Variants in NRXN3 observed in about 807,000 individuals in gnomAD.
NRXN3 encodes the protein neurexin III.
Under a neutral mutation model 137.6 loss-of-function variants are expected in NRXN3, and 32 were observed. The ratio of observed to expected loss-of-function variants is 0.23; its 90% CI spans 0.18 to 0.31. The LOEUF (loss-of-function observed/expected upper bound fraction) is 0.31, where lower values mean the gene tolerates loss of function less well. Among genes scored for constraint, NRXN3 ranks in the 10% least tolerant of loss-of-function variants. The pLI, the probability that NRXN3 is intolerant of heterozygous loss-of-function variation, is 1.00. For missense variants in NRXN3, 1,574 were observed against 2,062.5 expected (o/e 0.76, Z 4.59); for synonymous variants, 798 against 784.5 (o/e 1.02, Z -0.29).
intron 19 of NRXN3, among the ~76,000 whole-genome samples, chr14:79,726,216 G>A (rs1396175884): frequency 6.6e-6 from 1 of 152,140 alleles, no homozygotes; most frequent in Non-Finnish European, 1.5e-5. Flanking sequence ...GTGACTTAGA[G>A]AATTAAATGT....
chr14:78,761,848 G>GTA (rs903670171), intron 8 of NRXN3, among the ~76,000 whole-genome samples: 4 of 152,134 alleles, frequency 2.6e-5, no homozygotes, highest in Non-Finnish European at 5.9e-5. Flanking sequence ...AGCATTTGAT[G>GTA]TAAGCCCTGG....
intron 15 of NRXN3, among the ~76,000 whole-genome samples, chr14:79,165,447 A>AT (rs1453822484): frequency 2.0e-5 from 3 of 151,958 alleles, no homozygotes; most frequent in African/African-American, 4.8e-5. Context: ...TTAAAGTTTC[A>AT]TTTTGTCTTA....
chr14:79,490,038 C>CA (rs370581169), intron 16 of NRXN3, among the ~76,000 whole-genome samples: 9,866 of 72,560 alleles, frequency 0.14, 1,604 homozygotes, highest in African/African-American at 0.37. Flanking sequence ...TACTCCATCT[C>CA]AAAAAAAAAA....
In NRXN3 at chr14:78,803,799, C is replaced by T. The variant is rs775625031; in HGVS notation, c.2224C>T (p.Arg742Cys). 9.3e-6 allele frequency: 15 copies of T among 1,613,644 alleles called. No homozygotes were observed. The highest frequency in any genetic ancestry group is 1.1e-5 in the Non-Finnish European group (13 of 1,179,988). ...CCTGCGTCTGGAGCTGGATGGGGGG[C>T]GTGTCAAGCTCATGGTTAACTTAGG... ...DTLRLELDGG[R>C]VKLMVNLDCI... The change falls in exon 9 of 21, where the codon CGT becomes TGT. Residue 742 changes from arginine (R) to cysteine (C), a missense_variant. Around this residue, in one of 5 missense-constraint regions of NRXN3, gnomAD observed 718 missense variants for 887.6 expected, o/e 0.81. Transcript: ENST00000335750.
At position 78,289,884 on chromosome 14, in the gene NRXN3, A is replaced by T. The variant is rs530147889; in HGVS notation, c.728-7947A>T. The stretch of plus-strand genomic sequence containing the variant: ...AGCTGAGATTGTGCCACTGCACTCC[A>T]GCCTGGCAACAGAGTGAGACTCCAT... On this transcript the variant is annotated intron_variant, in intron 3 of 20. Transcript: ENST00000335750. Among the ~76,000 whole-genome samples the T allele has an allele frequency of 2.0e-5, 3 of 152,358 alleles. No individual in the cohort carries two copies. The East Asian group carries it at 5.8e-4, about 29-fold the overall frequency.
intron 4 of NRXN3, among the ~76,000 whole-genome samples, chr14:78,486,746 C>G (rs1030726304): frequency 6.6e-6 from 1 of 152,068 alleles, no homozygotes. Flanking sequence ...TGACTGTGAA[C>G]TTTTATGGTT....
chr14:79,685,777 A>G (rs867677917), intron 17 of NRXN3, among the ~76,000 whole-genome samples: 4 of 152,232 alleles, frequency 2.6e-5, no homozygotes, highest in Admixed American at 6.5e-5. Context: ...TATTGCATCA[A>G]AGTAAATCAT....
At chr14:78,408,069 G>T (rs1373191526) in intron 4 of NRXN3, among the ~76,000 whole-genome samples, 1 of 152,174 alleles carries the variant, frequency 6.6e-6, no homozygotes, top group East Asian at 1.9e-4. Context: ...TTCTTTTGTA[G>T]TCAACTCACC....
At chr14:79,845,512 G>T (rs2099365236) in intron 20 of NRXN3, among the ~76,000 whole-genome samples, 1 of 151,908 alleles carries the variant, frequency 6.6e-6, no homozygotes, top group South Asian at 2.1e-4. Flanking sequence ...TGTGTCTCAG[G>T]AAATAGGGAG....
chr14:79,838,607 T>A (rs1204873030), intron 20 of NRXN3, among the ~76,000 whole-genome samples: 2 of 152,168 alleles, frequency 1.3e-5, no homozygotes, highest in Non-Finnish European at 2.9e-5. Flanking sequence ...TGAAAATGAC[T>A]GTAGTCTGGC....
intron 3 of NRXN3, among the ~76,000 whole-genome samples, chr14:78,285,151 T>C (rs1181286156): frequency 6.6e-6 from 1 of 152,174 alleles, no homozygotes; most frequent in Non-Finnish European, 1.5e-5. Flanking sequence ...GGCTGTATGC[T>C]TAGACCATCT....
At chr14:78,567,792 G>A (rs1381072352) in intron 4 of NRXN3, among the ~76,000 whole-genome samples, 1 of 151,578 alleles carries the variant, frequency 6.6e-6, no homozygotes, top group East Asian at 1.9e-4. Flanking sequence ...TGCCAACGTG[G>A]AGGTCTTTGG....
At chr14:79,149,524 A>G (rs1165565153) in intron 15 of NRXN3, among the ~76,000 whole-genome samples, 1 of 152,128 alleles carries the variant, frequency 6.6e-6, no homozygotes, top group Non-Finnish European at 1.5e-5. Context: ...CCAAAGGAAT[A>G]TAAATCATTC....
intron 10 of NRXN3, among the ~76,000 whole-genome samples, chr14:78,923,461 G>T (rs2099276538): frequency 6.6e-6 from 1 of 152,154 alleles, no homozygotes; most frequent in Non-Finnish European, 1.5e-5. Flanking sequence ...GATTTAAGTT[G>T]TTTCACCTTT....
chr14:78,864,063 T>G (rs2099080173), intron 10 of NRXN3, among the ~76,000 whole-genome samples: 1 of 152,176 alleles, frequency 6.6e-6, no homozygotes, highest in Non-Finnish European at 1.5e-5. Context: ...CATCTCCAGC[T>G]TATTTTAGGA....
chr14:79,843,521 GA>G (rs1402664314), intron 20 of NRXN3, among the ~76,000 whole-genome samples: 1 of 152,106 alleles, frequency 6.6e-6, no homozygotes, highest in African/African-American at 2.4e-5. Flanking sequence ...TATCACAAAA[GA>G]TTTCTCTGTA....
chr14:79,045,312 G>C (rs2099631381), intron 15 of NRXN3, among the ~76,000 whole-genome samples: 1 of 152,066 alleles, frequency 6.6e-6, no homozygotes, highest in African/African-American at 2.4e-5. Context: ...CCAAATTTAT[G>C]ACCGGGAGCA....
intron 19 of NRXN3, among the ~76,000 whole-genome samples, chr14:79,705,263 C>A (rs999559233): frequency 6.6e-6 from 1 of 152,082 alleles, no homozygotes; most frequent in Non-Finnish European, 1.5e-5. Flanking sequence ...AATTACCTAA[C>A]AGACTCTTTA....
chr14:78,605,193 T>G (rs1407738214), intron 4 of NRXN3, among the ~76,000 whole-genome samples: 2 of 152,188 alleles, frequency 1.3e-5, no homozygotes, highest in East Asian at 3.8e-4. Context: ...TCCCTCAGGC[T>G]CAAGAGGAAG....
Sources: gnomAD v4.1 joint callset for allele counts (sites outside exome capture counted in the v4.1 genomes callset) on GRCh38, gnomAD v4.1.1 for gene constraint, gnomAD v4.1.1 regional missense constraint, MANE v1.5 for transcripts, NCBI Gene and HGNC (gene_info 2026-07-23, HGNC 2026-07-21) for gene names.